The following PCDHA12 variants were observed in gnomAD, a reference collection of about 807,000 sequenced individuals.
PCDHA12 encodes protocadherin alpha-12.
In PCDHA12, 44 loss-of-function variants were observed where a neutral mutation model predicts 60.0. The observed-to-expected ratio is 0.73, with a 90% confidence interval of 0.58 to 0.94. PCDHA12 has a LOEUF of 0.94. Among genes scored for constraint, PCDHA12 ranks in the 40% least tolerant of loss-of-function variants. The pLI is 0.00. For synonymous variants in PCDHA12, 569 were observed against 553.0 expected (o/e 1.03, Z -0.40); for missense variants, 1,276 against 1,239.7 (o/e 1.03, Z -0.44).
intron 1 of PCDHA12, among the ~76,000 whole-genome samples, chr5:140,892,977 G>A (rs188368199): frequency 1.8e-4 from 27 of 152,270 alleles, no homozygotes; most frequent in Admixed American, 6.5e-4. Flanking sequence ...TTTTGTAGCT[G>A]CCGTATAAGT....
intron 1 of PCDHA12, among the ~76,000 whole-genome samples, chr5:140,916,951 G>A (rs1197063390): frequency 6.6e-6 from 1 of 152,210 alleles, no homozygotes; most frequent in Non-Finnish European, 1.5e-5. Context: ...GAGGCTTGCT[G>A]AGTTCTGACT....
chr5:140,999,528 T>A (rs1414595805), intron 3 of PCDHA12, among the ~76,000 whole-genome samples: 1 of 152,080 alleles, frequency 6.6e-6, no homozygotes, highest in Non-Finnish European at 1.5e-5. Context: ...TGTTACCCCC[T>A]GGATATGACA....
chr5:140,940,305 A>G (rs2092590184), intron 1 of PCDHA12, among the ~76,000 whole-genome samples: 1 of 152,126 alleles, frequency 6.6e-6, no homozygotes, highest in Non-Finnish European at 1.5e-5. Flanking sequence ...GTAATTTATT[A>G]TCTTTCTTCC....
chr5:141,006,872 G>T (rs1211849672), intron 3 of PCDHA12, among the ~76,000 whole-genome samples: 1 of 152,144 alleles, frequency 6.6e-6, no homozygotes, highest in Non-Finnish European at 1.5e-5. Flanking sequence ...ATAGATTCGA[G>T]GAATCAAGAG....
chr5:141,003,715 G>A (rs561348265), intron 3 of PCDHA12, among the ~76,000 whole-genome samples: 21 of 152,240 alleles, frequency 1.4e-4, no homozygotes, highest in African/African-American at 2.2e-4. Flanking sequence ...TGAAGATATC[G>A]GCTAATCCAA....
rs148181752 is a variant in PCDHA12, at chr5:140,966,860, TTGCTGC to T, written c.2368-12081_2368-12076del. 7,760 of 1,577,476 alleles carry T rather than the reference TTGCTGC, an allele frequency of 4.9e-3. 268 individuals are homozygous for T. The African/African-American group carries it at 0.086, about 18-fold the overall frequency. ...GCTGCTACTGCCTCTCCTGCTGCTG[TTGCTGC>T]TGCTGCTACCTGGCCCTGCGGCCTC... On this transcript the variant is annotated intron_variant, in intron 1 of 3. Coordinates refer to ENST00000398631, the MANE Select transcript of PCDHA12 (RefSeq NM_018903.4).
At chr5:140,966,502 G>C in intron 1 of PCDHA12, 1 of 433,894 alleles carries the variant, frequency 2.3e-6, no homozygotes, top group Non-Finnish European at 4.0e-6. Flanking sequence ...GAGCTGTAGC[G>C]GCAGCAGCAG....
rs1430300644 is a variant in PCDHA12 at position 141,011,992 on chromosome 5, C to T, written c.*2055C>T. 6.5e-6 allele frequency: 1 copy of T among 153,658 alleles called. No individual in the cohort carries two copies. The highest frequency in any genetic ancestry group is 1.5e-5 in the Non-Finnish European group (1 of 68,022). 9.5% of individuals were successfully genotyped at this position (153,658 alleles called of 1,614,324 possible). ...TGTCTTGTCTACTTTTAGCTTCATTCTCCCATATTTTGAAGGGTGTGTAAC... is the reference window on the plus strand; with the variant it reads ...TGTCTTGTCTACTTTTAGCTTCATTTTCCCATATTTTGAAGGGTGTGTAAC... On this transcript the variant is annotated 3_prime_UTR_variant, in exon 4 of 4. Transcript: ENST00000398631.
intron 1 of PCDHA12, among the ~76,000 whole-genome samples, chr5:140,902,415 G>T (rs887303649): frequency 1.3e-5 from 2 of 152,060 alleles, no homozygotes; most frequent in South Asian, 4.1e-4. Context: ...TTGAATAACA[G>T]TGGTGAAAGT....
chr5:140,904,773 CATT>C (rs2071382352), intron 1 of PCDHA12, among the ~76,000 whole-genome samples: 1 of 152,076 alleles, frequency 6.6e-6, no homozygotes, highest in Non-Finnish European at 1.5e-5. Flanking sequence ...GATGGTATCA[CATT>C]ATTGTTTTAA....
chr5:140,952,546 C>T (rs1449369285), intron 1 of PCDHA12, among the ~76,000 whole-genome samples: 1 of 152,108 alleles, frequency 6.6e-6, no homozygotes, highest in African/African-American at 2.4e-5. Flanking sequence ...CTTCTTTGTC[C>T]ATTTCACTAT....
chr5:140,928,701 G>T, intron 1 of PCDHA12: 1 of 1,614,132 alleles, frequency 6.2e-7, no homozygotes, highest in Non-Finnish European at 8.5e-7. Context: ...TCTCCCGGGC[G>T]TCTGACTCTA....
In PCDHA12 at chr5:140,884,016, G is replaced by A. The variant is rs143828814; in HGVS notation, c.2367+6177G>A. 13 of 1,613,090 alleles carry A rather than the reference G, an allele frequency of 8.1e-6. No individual in the cohort carries two copies. In the Admixed American group the frequency reaches 1.2e-4, roughly 14 times the overall value. On this transcript the variant is annotated intron_variant, in intron 1 of 3. Coordinates refer to ENST00000398631, the MANE Select transcript of PCDHA12 (RefSeq NM_018903.4). ...GGCACAGTGAGCGAGCTGATGCCGC[G>A]GTCGGTGGGTGCAGGCCACGTGGTG...
Position 140,875,931 on chromosome 5 carries a change from T to C in PCDHA12, c.459T>C (p.Pro153=). 6.2e-7 allele frequency: 1 copy of C among 1,614,176 alleles called. No individual in the cohort carries two copies. The highest frequency in any genetic ancestry group is 1.1e-5 in the South Asian group (1 of 91,084). The change falls in exon 1 of 4, where the codon CCT becomes CCC. Residue 153 remains proline (P), a synonymous_variant. Transcript: ENST00000398631. Reference sequence around the variant, plus strand: ...CTGCGCCTCTGGACTCTCATTTTCCTCTAGAGGGCGCTTCTGATGCGGATA... The same window carrying C: ...CTGCGCCTCTGGACTCTCATTTTCCCCTAGAGGGCGCTTCTGATGCGGATA... ...SESAPLDSHF[P]LEGASDADIG... is the part of the protein sequence containing the mutation.
chr5:140,968,184 C>T, intron 1 of PCDHA12: 1 of 1,614,050 alleles, frequency 6.2e-7, no homozygotes, highest in Non-Finnish European at 8.5e-7. Flanking sequence ...CTGGAGGACT[C>T]CTATTCCATC....
chr5:140,900,752 T>C lies in PCDHA12; in HGVS notation c.2367+22913T>C, dbSNP rs565842266. On this transcript the variant is annotated intron_variant, in intron 1 of 3. Coordinates refer to ENST00000398631, the MANE Select transcript of PCDHA12 (RefSeq NM_018903.4). ...GCAGTGGGATTTCTGGATCACTTGG[T>C]AGCTCTATTTTTGGCTTTTTGAGGA... Among the ~76,000 whole-genome samples, 3 of 152,272 alleles carry C rather than the reference T, an allele frequency of 2.0e-5. No homozygotes were observed. In the East Asian group the frequency reaches 5.8e-4, roughly 29 times the overall value.
At chr5:141,004,833 C>A (rs1421886072) in intron 3 of PCDHA12, among the ~76,000 whole-genome samples, 1 of 152,168 alleles carries the variant, frequency 6.6e-6, no homozygotes, top group Non-Finnish European at 1.5e-5. Flanking sequence ...TTAGATAGAT[C>A]AAAGTCATTA....
intron 1 of PCDHA12, chr5:140,883,245 G>A (rs267600403): frequency 6.2e-7 from 1 of 1,613,898 alleles, no homozygotes; most frequent in Non-Finnish European, 8.5e-7. Flanking sequence ...GTTGACAAAG[G>A]AAATATTCCA....
intron 1 of PCDHA12, chr5:140,928,442 A>G (rs781976941): frequency 1.2e-6 from 2 of 1,614,166 alleles, no homozygotes; most frequent in South Asian, 1.1e-5. Flanking sequence ...GACTTTGAGC[A>G]GCTCAGGGGG....
Sources: gnomAD v4.1 joint callset for allele counts (sites outside exome capture counted in the v4.1 genomes callset) on GRCh38, gnomAD v4.1.1 for gene constraint, MANE v1.5 for transcripts, NCBI Gene and HGNC (gene_info 2026-07-23, HGNC 2026-07-21) for gene names.